Variants in EFCAB8 observed in about 807,000 individuals in gnomAD.
The protein encoded by EFCAB8 is EF-hand calcium-binding domain-containing protein 8.
In EFCAB8, 100 loss-of-function variants were observed where a neutral mutation model predicts 116.3. The ratio of observed to expected loss-of-function variants is 0.86; its 90% CI spans 0.73 to 1.02. The LOEUF (loss-of-function observed/expected upper bound fraction) is 1.02. Among genes scored for constraint, EFCAB8 ranks in the 50% least tolerant of loss-of-function variants. The pLI is 0.00. For missense variants in EFCAB8, 1,320 were observed against 1,416.9 expected (o/e 0.93, Z 1.10); for synonymous variants, 558 against 567.9 (o/e 0.98, Z 0.25).
At chr20:32,918,912 GC>G (rs1438732268) in intron 19 of EFCAB8, among the ~76,000 whole-genome samples, 1 of 152,132 alleles carries the variant, frequency 6.6e-6, no homozygotes, top group Non-Finnish European at 1.5e-5. Flanking sequence ...GTCCTCAAGG[GC>G]AAGTCACCTG....
chr20:32,941,530 A>G (rs1172768325), intron 22 of EFCAB8, among the ~76,000 whole-genome samples: 4 of 131,016 alleles, frequency 3.1e-5, no homozygotes, highest in Non-Finnish European at 5.1e-5. Context: ...ATGTTATTTA[A>G]TAATAAAAAG....
intron 6 of EFCAB8, among the ~76,000 whole-genome samples, chr20:32,887,326 A>G (rs999560874): frequency 6.6e-6 from 1 of 152,374 alleles, no homozygotes; most frequent in East Asian, 1.9e-4. Context: ...CTGTAATCCC[A>G]GCACTTTGGG....
rs780882214 is a variant in EFCAB8 at position 32,892,209 on chromosome 20, C to G, written c.674-4C>G. The G allele has an allele frequency of 6.4e-7, 1 of 1,551,600 alleles. No homozygotes were observed. The highest frequency in any genetic ancestry group is 1.2e-5 in the South Asian group (1 of 84,048). On this transcript the variant is annotated splice_region_variant and splice_polypyrimidine_tract_variant and intron_variant, in intron 7 of 26. Transcript: ENST00000400522. Reference sequence around the variant, plus strand: ...CTCTATGTGGCCTTCTGTCTTTCCCCCAGATTTCTTTGATATTAGTGACCA... The same window carrying G: ...CTCTATGTGGCCTTCTGTCTTTCCCGCAGATTTCTTTGATATTAGTGACCA...
rs2146257897 is a variant in EFCAB8 at position 32,918,350 on chromosome 20, T to C, written c.2062-12T>C. 1 of 1,551,704 alleles carries C rather than the reference T, an allele frequency of 6.4e-7. No homozygotes were observed. The stretch of plus-strand genomic sequence containing the variant: ...TTGCAGTGCCTTAGGGGCTGCTTTC[T>C]TCTTGGTACAGGTGCAAGATGTGAA... On this transcript the variant is annotated splice_polypyrimidine_tract_variant and intron_variant, in intron 18 of 26. Transcript: ENST00000400522.
Position 32,911,625 on chromosome 20 carries a change from G to T in EFCAB8, c.1703G>T (p.Gly568Val), listed in dbSNP as rs777375132. The change falls in exon 16 of 27, where the codon GGT (glycine) becomes GTT (valine). Residue 568 changes from glycine (G) to valine (V), a missense_variant. Coordinates refer to ENST00000400522, the MANE Select transcript of EFCAB8 (RefSeq NM_001143967.2). Reference sequence around the variant, plus strand: ...GAGTCAGAGCGGTGCCTGCTCACAGGTTTGCGGGATGGCACAATGAAGATG... The same window carrying T: ...GAGTCAGAGCGGTGCCTGCTCACAGTTTTGCGGGATGGCACAATGAAGATG... ...LDESERCLLT[G>V]LRDGTMKMWN... 1 of 1,551,780 alleles carries T rather than the reference G, an allele frequency of 6.4e-7. No homozygotes were observed.
intron 4 of EFCAB8, among the ~76,000 whole-genome samples, chr20:32,877,103 C>G (rs932211139): frequency 6.6e-6 from 1 of 152,052 alleles, no homozygotes; most frequent in Non-Finnish European, 1.5e-5. Flanking sequence ...AGGGAGGGTG[C>G]CTTGAGAGTC....
At chr20:32,921,962 T>G (rs921157860) in intron 20 of EFCAB8, among the ~76,000 whole-genome samples, 15 of 151,954 alleles carry the variant, frequency 9.9e-5, no homozygotes, top group African/African-American at 3.6e-4. Flanking sequence ...CCAGAGTAGC[T>G]GGGACCATAA....
At chr20:32,880,289 GAC>G (rs1232810468) in intron 5 of EFCAB8, among the ~76,000 whole-genome samples, 1 of 146,170 alleles carries the variant, frequency 6.8e-6, no homozygotes, top group Non-Finnish European at 1.5e-5. Flanking sequence ...TTTTTTTTGA[GAC>G]AGAGTCTCAC....
chr20:32,906,509 CT>C (rs1986678981), intron 11 of EFCAB8, 52 bp from the exon 12 acceptor site: 2 of 717,514 alleles, frequency 2.8e-6, no homozygotes, highest in Non-Finnish European at 5.2e-6. Flanking sequence ...CTCAGACGCT[CT>C]CTTGGGGCCA....
chr20:32,944,785 G>C (rs1342035099), intron 23 of EFCAB8, among the ~76,000 whole-genome samples: 1 of 151,960 alleles, frequency 6.6e-6, no homozygotes, highest in Non-Finnish European at 1.5e-5. Flanking sequence ...GTGTCTCCTT[G>C]TGGATTTCTT....
intron 23 of EFCAB8, among the ~76,000 whole-genome samples, chr20:32,948,544 GAA>G (rs1988683949): frequency 1.4e-5 from 2 of 139,076 alleles, no homozygotes; most frequent in African/African-American, 5.7e-5. Flanking sequence ...AAGAAAGAAA[GAA>G]AGAAAGAAAG....
chr20:32,871,308 G>C (rs746974098), intron 3 of EFCAB8, among the ~76,000 whole-genome samples: 11 of 150,840 alleles, frequency 7.3e-5, no homozygotes, highest in Admixed American at 3.3e-4. Flanking sequence ...GGGTTTTCCT[G>C]TGTAGCCCAG....
intron 4 of EFCAB8, 22 bp from the exon 5 acceptor site, chr20:32,878,682 C>T: frequency 6.5e-7 from 1 of 1,545,800 alleles, no homozygotes. Flanking sequence ...CCCTGCCTCC[C>T]TTGTGCTTTC....
intron 18 of EFCAB8, 21 bp from the exon 19 acceptor site, chr20:32,918,341 G>C (rs1425608336): frequency 6.4e-7 from 1 of 1,551,178 alleles, no homozygotes; most frequent in Admixed American, 2.0e-5. Context: ...TGCCTTAGGG[G>C]CTGCTTTCTT....
intron 24 of EFCAB8, 83 bp from the exon 25 acceptor site, chr20:32,959,695 G>A: frequency 9.7e-7 from 1 of 1,029,276 alleles, no homozygotes; most frequent in Non-Finnish European, 1.4e-6. Context: ...AGGCCAGGAA[G>A]GGGAGAGGCT....
chr20:32,911,687 C>T lies in EFCAB8; in HGVS notation c.1765C>T (p.Pro589Ser), dbSNP rs1449222094. Residue 589 changes from proline (P) to serine (S), a missense_variant, in exon 16 of 27, where the codon CCC becomes TCC. Pro to Ser is a moderately conservative substitution (Grantham distance 74). Coordinates refer to ENST00000400522, the MANE Select transcript of EFCAB8 (RefSeq NM_001143967.2). ...CATTGGCAAATGCCTGTTGACCTTT[C>T]CCAGTCCGGAACAGCTGGAGGTCAG... The part of the protein sequence containing the change: ...YNIGKCLLTF[P>S]SPEQLEISGI... 5 of 1,551,700 alleles carry T rather than the reference C, an allele frequency of 3.2e-6. No individual in the cohort carries two copies. The highest frequency in any genetic ancestry group is 4.4e-6 in the Non-Finnish European group (5 of 1,146,994).
rs542127749 is a variant in EFCAB8, at chr20:32,931,530, G to A, written c.2790+194G>A. Among the ~76,000 whole-genome samples the A allele has an allele frequency of 1.6e-4, 25 of 152,124 alleles. 1 individual carries two copies. In the South Asian group the frequency reaches 2.9e-3, roughly 18 times the overall value. The stretch of plus-strand genomic sequence containing the variant: ...TCCCAGCACTTTGGGAGGCTGAGGC[G>A]GGTGGATCACGAGGTCAGGAGTTTG... On this transcript the variant is annotated intron_variant, in intron 22 of 26. Transcript: ENST00000400522.
chr20:32,886,803 C>G (rs1051472673), intron 6 of EFCAB8, among the ~76,000 whole-genome samples: 1 of 152,166 alleles, frequency 6.6e-6, no homozygotes. Flanking sequence ...CTGGAGGGGC[C>G]GCTTTGGCAG....
intron 20 of EFCAB8, 47 bp from the exon 21 acceptor site, chr20:32,930,351 A>T: frequency 6.7e-7 from 1 of 1,500,118 alleles, no homozygotes; most frequent in Non-Finnish European, 9.0e-7. Context: ...GCACCATGTG[A>T]CAGTGGCTCA....
Sources: allele counts gnomAD v4.1 joint callset (sites outside exome capture counted in the v4.1 genomes callset), GRCh38; gene constraint gnomAD v4.1.1; transcripts MANE v1.5; gene names NCBI Gene and HGNC (gene_info 2026-07-23, HGNC 2026-07-21).